ERC2: variants seen among roughly 807,000 people sequenced by gnomAD.
ERC2 encodes ELKS/RAB6-interacting/CAST family member 2.
ERC2 carries 42 observed loss-of-function variants against 114.8 expected under a neutral mutation model. That is an observed-to-expected ratio of 0.37 (90% CI 0.29 to 0.47). ERC2 has a LOEUF of 0.47. ERC2 is among the 20% of genes least tolerant of loss of function. The probability of loss-of-function intolerance (pLI) is 0.99; values close to 1 mark genes in which losing one functional copy is unlikely to be tolerated. For missense variants in ERC2, 939 were observed against 1,150.7 expected, an observed-to-expected ratio of 0.82 and a Z score of 2.66; for synonymous variants, 454 against 425.5, an observed-to-expected ratio of 1.07 and a Z score of -0.82.
At chr3:55,714,777 GAATT>G (rs1327611125) in intron 15 of ERC2, among the ~76,000 whole-genome samples, 1 of 146,532 alleles carries the variant, frequency 6.8e-6, no homozygotes, top group East Asian at 2.0e-4. Flanking sequence ...GGATTTTAGG[GAATT>G]AATTTTCTCC....
Position 55,691,574 on chromosome 3 carries a change from ATAT to A in ERC2, c.2848-7718_2848-7716del, listed in dbSNP as rs1296247631. On this transcript the variant is annotated intron_variant, in intron 16 of 17. Coordinates refer to ENST00000288221, the MANE Select transcript of ERC2 (RefSeq NM_015576.3). ...AAAAAAAAAAAAAAAAAAAAAAAAAATATATATATATATATATATATATATATA... is the reference window on the plus strand; with the variant it reads ...AAAAAAAAAAAAAAAAAAAAAAAAAAATATATATATATATATATATATATA... Among the ~76,000 whole-genome samples the A allele has an allele frequency of 1.1e-3, 53 of 48,296 alleles. 1 individual carries two copies. Among genetic ancestry groups the A allele is most frequent in the African/African-American group, 4.9e-3 (52 of 10,656 alleles). 31.7% of individuals were successfully genotyped at this position (48,296 alleles called of 152,430 possible). A position where few individuals can be genotyped will look rare whatever the true frequency, so the allele number is the denominator to read the frequency against.
chr3:55,680,115 C>G (rs534259246), intron 17 of ERC2, among the ~76,000 whole-genome samples: 2 of 152,290 alleles, frequency 1.3e-5, no homozygotes, highest in East Asian at 1.9e-4. Flanking sequence ...TGGTGGCAGA[C>G]AGCTACAATT....
chr3:56,393,449 C>T (rs1375047368), intron 2 of ERC2, among the ~76,000 whole-genome samples: 1 of 152,094 alleles, frequency 6.6e-6, no homozygotes, highest in Non-Finnish European at 1.5e-5. Flanking sequence ...TTCACTGTAT[C>T]CTACACAGGT....
chr3:55,956,288 C>T (rs1034141349), intron 12 of ERC2, among the ~76,000 whole-genome samples: 1 of 152,112 alleles, frequency 6.6e-6, no homozygotes, highest in Admixed American at 6.6e-5. Flanking sequence ...GGAAGCATTG[C>T]AGGAAGCTCA....
At chr3:56,113,815 C>G (rs947334421) in intron 6 of ERC2, among the ~76,000 whole-genome samples, 2 of 152,170 alleles carry the variant, frequency 1.3e-5, no homozygotes, top group African/African-American at 2.4e-5. Flanking sequence ...AATTATAAAT[C>G]AGGGGTTCCC....
chr3:56,450,311 G>A (rs1256634773), intron 1 of ERC2, among the ~76,000 whole-genome samples: 1 of 152,300 alleles, frequency 6.6e-6, no homozygotes, highest in Admixed American at 6.5e-5. Context: ...TTTATGGCAA[G>A]GTACTTGAGT....
rs2064130985 is a variant in ERC2, at chr3:55,716,543, TGCAAAAGGCATCA to T, written c.2713-17044_2713-17032del. 2.6e-5 allele frequency among the ~76,000 whole-genome samples: 4 copies of T among 152,324 alleles called. No homozygotes were observed. In the South Asian group the frequency reaches 8.3e-4, roughly 32 times the overall value. The stretch of plus-strand genomic sequence containing the variant: ...AAGTTATTTAACCTCTCCAATTATG[TGCAAAAGGCATCA>T]GCAAGCCGCTTGATATCAAGGAAGC... On this transcript the variant is annotated intron_variant, in intron 15 of 17. Transcript: ENST00000288221.
At chr3:55,603,500 TGG>T (rs1559727060) in intron 17 of ERC2, among the ~76,000 whole-genome samples, 2 of 23,428 alleles carry the variant, frequency 8.5e-5, no homozygotes, top group Non-Finnish European at 2.1e-4. Flanking sequence ...GGCGTGGTGG[TGG>T]ACGCCTGTAG....
intron 10 of ERC2, among the ~76,000 whole-genome samples, chr3:55,995,132 A>G (rs2071407733): frequency 6.6e-6 from 1 of 152,222 alleles, no homozygotes; most frequent in South Asian, 2.1e-4. Flanking sequence ...CAAGAGATCG[A>G]GACCATCCTG....
chr3:55,698,754 A>C (rs192300114), intron 16 of ERC2, among the ~76,000 whole-genome samples: 103 of 152,346 alleles, frequency 6.8e-4, no homozygotes, highest in Non-Finnish European at 1.1e-3. Flanking sequence ...TTTTAATACT[A>C]AACATTGTAA....
At chr3:55,569,590 C>T (rs1193640514) in intron 17 of ERC2, among the ~76,000 whole-genome samples, 1 of 152,178 alleles carries the variant, frequency 6.6e-6, no homozygotes. Context: ...TTAGACGAAT[C>T]GTTTTCAGTG....
intron 17 of ERC2, among the ~76,000 whole-genome samples, chr3:55,512,436 T>C (rs886137407): frequency 2.0e-5 from 3 of 152,200 alleles, no homozygotes; most frequent in Non-Finnish European, 4.4e-5. Context: ...GTATGAAAAT[T>C]GTAAGTCAGA....
intron 6 of ERC2, among the ~76,000 whole-genome samples, chr3:56,126,807 G>GAAGGGAAGGAAAGGAAAGGA (rs2079894134): frequency 2.7e-4 from 29 of 107,476 alleles, no homozygotes; most frequent in African/African-American, 4.4e-5. Flanking sequence ...AAAGGAAAGG[G>GAAGGGAAGGAAAGGAAAGGA]AAGGAAAGGA....
intron 14 of ERC2, among the ~76,000 whole-genome samples, chr3:55,789,935 C>G (rs2069851677): frequency 6.6e-6 from 1 of 152,146 alleles, no homozygotes; most frequent in Non-Finnish European, 1.5e-5. Context: ...TTCTATTGGA[C>G]AGATGTAAGG....
At chr3:56,221,898 A>G (rs899471029) in intron 3 of ERC2, among the ~76,000 whole-genome samples, 4 of 152,140 alleles carry the variant, frequency 2.6e-5, no homozygotes, top group Admixed American at 1.3e-4. Context: ...CTCCGTCTCA[A>G]AACAAAAAAA....
chr3:56,454,755 G>C (rs1405872935), intron 1 of ERC2, among the ~76,000 whole-genome samples: 1 of 151,448 alleles, frequency 6.6e-6, no homozygotes, highest in Non-Finnish European at 1.5e-5. Context: ...GGAGGCTGAG[G>C]CACGAGGATC....
intron 3 of ERC2, among the ~76,000 whole-genome samples, chr3:56,242,358 C>T (rs751261242): frequency 2.6e-5 from 4 of 152,114 alleles, no homozygotes; most frequent in Non-Finnish European, 5.9e-5. Flanking sequence ...ATATTGGGTA[C>T]AGTGTACACT....
At chr3:56,155,765 A>G (rs1011361353) in intron 4 of ERC2, among the ~76,000 whole-genome samples, 1 of 152,204 alleles carries the variant, frequency 6.6e-6, no homozygotes, top group Non-Finnish European at 1.5e-5. Context: ...AAGTAATAAT[A>G]CATACAAAAT....
Position 56,138,354 on chromosome 3 carries a change from C to T in ERC2, c.1473+1155G>A, listed in dbSNP as rs928752136. The stretch of plus-strand genomic sequence containing the variant: ...GGATTACAGGCGTGAGCCACCGCGC[C>T]CAGCCTGAAAATGGTATTTTTTAAA... On this transcript the variant is annotated intron_variant, in intron 6 of 17. Transcript: ENST00000288221. 2.6e-5 allele frequency among the ~76,000 whole-genome samples: 4 copies of T among 152,134 alleles called. No homozygotes were observed. In the South Asian group the frequency reaches 8.3e-4, roughly 31 times the overall value.
Sources: allele counts gnomAD v4.1 joint callset (sites outside exome capture counted in the v4.1 genomes callset), GRCh38; gene constraint gnomAD v4.1.1; transcripts MANE v1.5; gene names NCBI Gene and HGNC (gene_info 2026-07-23, HGNC 2026-07-21).